Variants in TMX4 observed in about 807,000 individuals in gnomAD.
TMX4 encodes the protein thioredoxin-related transmembrane protein 4.
In TMX4, 23 loss-of-function variants were observed where a neutral mutation model predicts 33.3. The ratio of observed to expected loss-of-function variants is 0.69; its 90% confidence interval spans 0.50 to 0.98. The LOEUF is 0.98. Ranked by LOEUF, TMX4 falls within the 50% of genes least tolerant of loss-of-function variation. TMX4 has a pLI of 0.00. For synonymous variants in TMX4, 164 were observed against 161.5 expected (o/e 1.02, Z -0.12); for missense variants, 399 against 448.9 (o/e 0.89, Z 1.01).
Position 7,980,807 on chromosome 20 carries a change from C to A in TMX4, c.*1444G>T, listed in dbSNP as rs767124017. The A allele has an allele frequency of 2.6e-5, 4 of 152,320 alleles. No homozygotes were observed. Among genetic ancestry groups the A allele is most frequent in the Middle Eastern group, 3.4e-3 (1 of 294 alleles). The allele number at this position is 152,320 out of a possible 1,614,324, so 9.4% of individuals were successfully genotyped here. A position where few individuals can be genotyped will look rare whatever the true frequency, so the allele number is the denominator to read the frequency against. On this transcript the variant is annotated 3_prime_UTR_variant, in exon 8 of 8. Coordinates refer to ENST00000246024, the MANE Select transcript of TMX4 (RefSeq NM_021156.4). ...GGGCAGAGAGTTTCAGAACCTCCCC[C>A]ACCAGTGAGCTCCGTGCTCACAATT... is the stretch of plus-strand genomic sequence containing the variant.
At chr20:7,986,834 A>T (rs1330575127) in intron 6 of TMX4, among the ~76,000 whole-genome samples, 1 of 152,178 alleles carries the variant, frequency 6.6e-6, no homozygotes, top group Non-Finnish European at 1.5e-5. Flanking sequence ...GAGTGTATGC[A>T]TAAGCGGCTA....
rs61498157 is a variant in TMX4, at chr20:7,982,870, C to G, written c.680-249G>C. Among the ~76,000 whole-genome samples, 1,408 of 152,236 alleles carry G rather than the reference C, an allele frequency of 9.2e-3. 46 individuals carry two copies. Among genetic ancestry groups the G allele is most frequent in the East Asian group, 0.064 (332 of 5,162 alleles). ...CATGTGGGCAGCAAGGGCAAAGGGT[C>G]CTTTACGCTCGGTATTTTGTGTCTT... On this transcript the variant is annotated intron_variant, in intron 7 of 7. Transcript: ENST00000246024.
At chr20:7,994,053 A>G (rs1381245824) in intron 5 of TMX4, among the ~76,000 whole-genome samples, 1 of 152,114 alleles carries the variant, frequency 6.6e-6, no homozygotes, top group Non-Finnish European at 1.5e-5. Flanking sequence ...AACACATGGT[A>G]TTAATACTAG....
chr20:7,987,760 CT>C (rs1399672868), intron 5 of TMX4, among the ~76,000 whole-genome samples: 2 of 152,088 alleles, frequency 1.3e-5, no homozygotes, highest in Non-Finnish European at 2.9e-5. Flanking sequence ...GGGCCTCTGA[CT>C]TTTTAGTAAA....
rs376446541 is a variant in TMX4 at position 8,010,225 on chromosome 20, C to T, written c.267G>A (p.Gly89=). ...KNGEILQISV[G]KVDVIQEPGL... ...CTGGTTCTTGAATGACATCTACCTT[C>T]CCCACACTGATCTGAAGTATTTCAC... Residue 89 remains glycine (G), a synonymous_variant, in exon 2 of 8, where the codon GGG becomes GGA. Transcript: ENST00000246024. 13 of 1,610,914 alleles carry T rather than the reference C, an allele frequency of 8.1e-6. No individual in the cohort carries two copies. In the East Asian group the frequency reaches 1.8e-4, roughly 22 times the overall value.
intron 6 of TMX4, among the ~76,000 whole-genome samples, chr20:7,984,694 C>T (rs1434973856): frequency 6.6e-6 from 1 of 152,102 alleles, no homozygotes; most frequent in Non-Finnish European, 1.5e-5. Context: ...TGTTTCAATG[C>T]ATGTATTACA....
chr20:8,015,477 A>T (rs1177769226), intron 1 of TMX4, among the ~76,000 whole-genome samples: 2 of 152,242 alleles, frequency 1.3e-5, no homozygotes, highest in Non-Finnish European at 2.9e-5. Context: ...TGAATGTCCA[A>T]CACAGAGGAA....
Position 7,982,279 on chromosome 20 carries a change from T to A in TMX4, c.1022A>T (p.Lys341Ile), listed in dbSNP as rs751997734. 1.9e-5 allele frequency: 31 copies of A among 1,613,930 alleles called. No homozygotes were observed. In the Admixed American group the frequency reaches 3.0e-4, roughly 16 times the overall value. ...EVVEDSLRQR[K>I]SQHADKGL ...CAGTCCCTTGTCAGCATGCTGACTT[T>A]TACGCTGCCTCAAGGAGTCTTCCAC... Residue 341 changes from lysine to isoleucine, a missense_variant, in exon 8 of 8, where the codon AAA becomes ATA. By Grantham distance (102) the Lys-to-Ile change is moderately radical. Coordinates refer to ENST00000246024, the MANE Select transcript of TMX4 (RefSeq NM_021156.4).
chr20:7,996,004 C>T (rs564055189), intron 5 of TMX4, 22 bp downstream of exon 5: 29 of 1,576,718 alleles, frequency 1.8e-5, no homozygotes, highest in South Asian at 1.7e-4. Flanking sequence ...CAAATATAAA[C>T]GTTTTATTTA....
intron 2 of TMX4, among the ~76,000 whole-genome samples, chr20:8,009,418 T>C (rs2054984495): frequency 6.6e-6 from 1 of 152,086 alleles, no homozygotes; most frequent in African/African-American, 2.4e-5. Context: ...GGCAAGAGCA[T>C]CATGGATCTT....
chr20:7,982,352 C>T lies in TMX4; in HGVS notation c.949G>A (p.Ala317Thr). The T allele has an allele frequency of 6.2e-7, 1 of 1,614,120 alleles. No homozygotes were observed. Among genetic ancestry groups the T allele is most frequent in the South Asian group, 1.1e-5 (1 of 91,074 alleles). ...VTREEVEPEE[A>T]EEGISEQPCP... ...GGTTGCTCAGAGATGCCTTCTTCAG[C>T]CTCCTCAGGCTCTACTTCCTCCCGG... The change falls in exon 8 of 8, where the codon GCT becomes ACT. Residue 317 changes from alanine to threonine, a missense_variant. Physicochemically the swap from Ala to Thr is moderately conservative, Grantham distance 58. Transcript: ENST00000246024.
At chr20:7,992,691 T>C (rs971259211) in intron 5 of TMX4, among the ~76,000 whole-genome samples, 1 of 152,118 alleles carries the variant, frequency 6.6e-6, no homozygotes, top group Admixed American at 6.5e-5. Context: ...GATCCTAGAA[T>C]CTTGAGGACC....
At chr20:8,017,098 T>G (rs2050778764) in intron 1 of TMX4, among the ~76,000 whole-genome samples, 1 of 151,564 alleles carries the variant, frequency 6.6e-6, no homozygotes, top group Non-Finnish European at 1.5e-5. Context: ...TTTTAAGTAC[T>G]GGAGTTTTTT....
chr20:8,019,017 T>C (rs2050797487), intron 1 of TMX4: 1 of 453,166 alleles, frequency 2.2e-6, no homozygotes. Flanking sequence ...GAATGTCCTT[T>C]CTCTTCCAAT....
At chr20:8,015,156 G>A (rs1387426388) in intron 1 of TMX4, among the ~76,000 whole-genome samples, 1 of 152,196 alleles carries the variant, frequency 6.6e-6, no homozygotes, top group African/African-American at 2.4e-5. Context: ...GGAAGTGGAG[G>A]AGGTGGATGG....
intron 2 of TMX4, among the ~76,000 whole-genome samples, chr20:8,004,783 T>C (rs188741295): frequency 1.8e-3 from 281 of 152,336 alleles, no homozygotes; most frequent in Non-Finnish European, 3.0e-3. Context: ...GTACTATTTA[T>C]TAGCATGTTA....
In TMX4 at chr20:7,982,609, C is replaced by G; in HGVS notation, c.692G>C (p.Arg231Thr). Residue 231 changes from arginine (R) to threonine (T), a missense_variant, in exon 8 of 8, where the codon AGA (arginine) becomes ACA (threonine). Physicochemically the swap from Arg to Thr is moderately conservative, Grantham distance 71. Coordinates refer to ENST00000246024, the MANE Select transcript of TMX4 (RefSeq NM_021156.4). ...HLSERSEQNR[R>T]SEEAHRAEQL... Reference sequence around the variant, plus strand: ...TTCAGCTCTATGAGCCTCCTCTGATCTCCGATTCTGCTCTATGGAGGGAAG... The same window carrying G: ...TTCAGCTCTATGAGCCTCCTCTGATGTCCGATTCTGCTCTATGGAGGGAAG... 3.1e-6 allele frequency: 5 copies of G among 1,611,606 alleles called. No homozygotes were observed. Among genetic ancestry groups the G allele is most frequent in the Non-Finnish European group, 4.2e-6 (5 of 1,179,452 alleles).
At chr20:8,000,798 T>C (rs1266180573) in intron 3 of TMX4, among the ~76,000 whole-genome samples, 2 of 152,224 alleles carry the variant, frequency 1.3e-5, no homozygotes, top group African/African-American at 4.8e-5. Flanking sequence ...AAACTGTACC[T>C]AGACTTCTCC....
rs2050634755 is a variant in TMX4, at chr20:7,987,286, A to T, written c.615+2T>A. 1 of 1,572,880 alleles carries T rather than the reference A, an allele frequency of 6.4e-7. No homozygotes were observed. Among genetic ancestry groups the T allele is most frequent in the Non-Finnish European group, 8.6e-7 (1 of 1,161,332 alleles). Reference sequence around the variant, plus strand: ...TAGAAAAAGTTTGGTATTATCTCTTACCAGACCCATAAAAAGGCCAAAAAC... The same window carrying T: ...TAGAAAAAGTTTGGTATTATCTCTTTCCAGACCCATAAAAAGGCCAAAAAC... On this transcript the variant is annotated splice_donor_variant, in intron 6 of 7. Coordinates refer to ENST00000246024, the MANE Select transcript of TMX4 (RefSeq NM_021156.4). LOFTEE classifies it high-confidence loss of function.
Sources: allele counts gnomAD v4.1 joint callset (sites outside exome capture counted in the v4.1 genomes callset), GRCh38; gene constraint gnomAD v4.1.1; transcripts MANE v1.5; gene names NCBI Gene and HGNC (gene_info 2026-07-23, HGNC 2026-07-21).